Variants in SHCBP1 observed in about 807,000 individuals in gnomAD.
SHCBP1 encodes the protein SHC SH2 domain-binding protein 1.
SHCBP1 carries 60 observed loss-of-function variants against 75.1 expected under a neutral mutation model. That is an observed-to-expected ratio of 0.80 (90% CI 0.65 to 0.99). SHCBP1 has a LOEUF of 0.99. SHCBP1 is among the 50% of genes least tolerant of loss of function. The pLI, the probability that SHCBP1 is intolerant of heterozygous loss-of-function variation, is 0.00. For missense variants in SHCBP1, 709 were observed against 809.4 expected, an observed-to-expected ratio of 0.88 and a Z score of 1.50; for synonymous variants, 290 against 293.2, an observed-to-expected ratio of 0.99 and a Z score of 0.11.
At chr16:46,614,788 G>A (rs1017783033) in intron 4 of SHCBP1, among the ~76,000 whole-genome samples, 4 of 152,008 alleles carry the variant, frequency 2.6e-5, no homozygotes, top group African/African-American at 4.8e-5. Flanking sequence ...GAAATATACC[G>A]ACCATAAGCC....
chr16:46,589,256 T>A (rs1965000916), intron 10 of SHCBP1, among the ~76,000 whole-genome samples: 1 of 152,172 alleles, frequency 6.6e-6, no homozygotes, highest in South Asian at 2.1e-4. Flanking sequence ...CTTTGAAAAC[T>A]GTCACACAAG....
chr16:46,605,993 A>T (rs777060406), intron 5 of SHCBP1, among the ~76,000 whole-genome samples: 2 of 152,022 alleles, frequency 1.3e-5, no homozygotes, highest in East Asian at 1.9e-4. Context: ...AAAAAAATTT[A>T]AAAATTTTAA....
intron 8 of SHCBP1, 41 bp from the exon 9 acceptor site, chr16:46,600,003 A>G: frequency 1.9e-6 from 3 of 1,606,462 alleles, no homozygotes; most frequent in Non-Finnish European, 2.5e-6. Context: ...TGGGTGAGGA[A>G]AAACATCTAA....
intron 6 of SHCBP1, 32 bp from the exon 7 acceptor site, chr16:46,604,175 A>G: frequency 6.2e-7 from 1 of 1,613,066 alleles, no homozygotes; most frequent in Non-Finnish European, 8.5e-7. Flanking sequence ...TATCAGTAAG[A>G]CAGCAAGTAA....
At chr16:46,599,708 T>G in intron 9 of SHCBP1, 123 bp downstream of exon 9, 1 of 152,746 alleles carries the variant, frequency 6.5e-6, no homozygotes, top group Non-Finnish European at 1.2e-5. Context: ...CATCGTGAAG[T>G]GCAATAAAAC....
intron 1 of SHCBP1, 126 bp downstream of exon 1, chr16:46,621,131 A>C (rs995269680): frequency 2.5e-6 from 2 of 812,214 alleles, no homozygotes; most frequent in Non-Finnish European, 3.6e-6. Context: ...CCGGCCGCGC[A>C]CCGCCGTTCC....
intron 10 of SHCBP1, among the ~76,000 whole-genome samples, chr16:46,593,963 G>A (rs1596674783): frequency 6.6e-6 from 1 of 152,116 alleles, no homozygotes; most frequent in East Asian, 1.9e-4. Flanking sequence ...AAAAAACAAA[G>A]TAGGAGAAAT....
rs1260534560 is a variant in SHCBP1, at chr16:46,608,337, A to G, written c.649T>C (p.Tyr217His). 1.2e-6 allele frequency: 2 copies of G among 1,613,758 alleles called. No individual in the cohort carries two copies. Among genetic ancestry groups the G allele is most frequent in the African/African-American group, 2.7e-5 (2 of 74,922 alleles). The change falls in exon 5 of 13, where the codon TAC (tyrosine) becomes CAC (histidine). Residue 217 changes from tyrosine to histidine, a missense_variant. Coordinates refer to ENST00000303383, the MANE Select transcript of SHCBP1 (RefSeq NM_024745.5). ...TCAACACATCTGACAAAATAATCGTATTCATCCTCCTCTTCTTCATCCCAA... is the reference window on the plus strand; with the variant it reads ...TCAACACATCTGACAAAATAATCGTGTTCATCCTCCTCTTCTTCATCCCAA... ...RSWDEEEEDE[Y>H]DYFVRCVEPR...
intron 1 of SHCBP1, among the ~76,000 whole-genome samples, chr16:46,618,757 T>C (rs1419279995): frequency 6.6e-6 from 1 of 152,206 alleles, no homozygotes; most frequent in Non-Finnish European, 1.5e-5. Context: ...CCCTCCTGTC[T>C]CAGCCTCCTG....
chr16:46,620,381 C>T (rs1965567321), intron 1 of SHCBP1: 1 of 152,232 alleles, frequency 6.6e-6, no homozygotes, highest in South Asian at 2.1e-4. Context: ...TCCCCATTCC[C>T]CCAACCCACT....
chr16:46,600,609 C>T (rs1230086860), intron 8 of SHCBP1, among the ~76,000 whole-genome samples: 2 of 152,218 alleles, frequency 1.3e-5, no homozygotes, highest in South Asian at 2.1e-4. Flanking sequence ...CTAAACAGTT[C>T]TCAAGATGAT....
At chr16:46,614,505 T>C (rs1596689576) in intron 4 of SHCBP1, among the ~76,000 whole-genome samples, 1 of 152,118 alleles carries the variant, frequency 6.6e-6, no homozygotes, top group African/African-American at 2.4e-5. Flanking sequence ...ATCTGAAAAA[T>C]TGTTGAAATC....
Position 46,582,036 on chromosome 16 carries a change from A to T in SHCBP1, c.1712T>A (p.Ile571Asn). The change falls in exon 13 of 13, where the codon ATT becomes AAT. Residue 571 changes from isoleucine to asparagine, a missense_variant. Transcript: ENST00000303383. ...CACATCTGGCTCTCCACTTGTCTGA[A>T]TTTTAAGCGCTTTATTTTCTGGAGA... ...DGTEENKALKIQTSGEPDVAE... is the reference protein window; with the variant it reads ...DGTEENKALKNQTSGEPDVAE... 6.2e-7 allele frequency: 1 copy of T among 1,602,502 alleles called. No homozygotes were observed. The highest frequency in any genetic ancestry group is 8.5e-7 in the Non-Finnish European group (1 of 1,175,274).
chr16:46,592,093 A>T (rs932363730), intron 10 of SHCBP1, among the ~76,000 whole-genome samples: 3 of 152,066 alleles, frequency 2.0e-5, no homozygotes, highest in African/African-American at 7.2e-5. Context: ...ATGAAATCAT[A>T]AAAAGAACAT....
Position 46,616,213 on chromosome 16 carries a change from A to G in SHCBP1, c.388-59T>C, listed in dbSNP as rs1965497713. On this transcript the variant is annotated intron_variant, in intron 3 of 12. Transcript: ENST00000303383. This position sits in a 1 kb window ranked among gnomAD's most constrained non-coding sequence, Gnocchi z 4.4. ...AAATCAAAATGAAGATACACCTATA[A>G]GACACTACTGACAACCTGATTTTTT... The G allele has an allele frequency of 6.5e-7, 1 of 1,533,170 alleles. No homozygotes were observed. Among genetic ancestry groups the G allele is most frequent in the South Asian group, 1.2e-5 (1 of 86,344 alleles). The allele number at this position is 1,533,170 out of a possible 1,614,324, so 95.0% of individuals were successfully genotyped here. A position where few individuals can be genotyped will look rare whatever the true frequency, so the allele number is the denominator to read the frequency against.
chr16:46,590,702 C>A (rs185211879), intron 10 of SHCBP1, among the ~76,000 whole-genome samples: 40 of 152,304 alleles, frequency 2.6e-4, no homozygotes, highest in African/African-American at 8.7e-4. Context: ...AATAGGAACA[C>A]TTTTACACTG....
intron 4 of SHCBP1, among the ~76,000 whole-genome samples, chr16:46,610,544 A>ATTTTTTTTTTATTTTTTTTTTTTTT (rs1965397529): frequency 3.2e-5 from 1 of 31,088 alleles, no homozygotes; most frequent in Non-Finnish European, 5.7e-5. Flanking sequence ...CATGGGGTCA[A>ATTTTTTTTTTATTTTTTTTTTTTTT]TTTTTTTTTT....
chr16:46,615,961 G>T lies in SHCBP1; in HGVS notation c.581C>A (p.Ala194Glu). ...CTTTTCCTACCTGACATGCTCAATT[G>T]CAAGGGCTGTCTGGTCAAACACTCC... ...DSGVFDQTAL[A>E]IEHVRFFYQN... Residue 194 changes from alanine to glutamate, a missense_variant, in exon 4 of 13, where the codon GCA (alanine) becomes GAA (glutamate). Physicochemically the swap from Ala to Glu is moderately radical, Grantham distance 107 (BLOSUM62 -1). Coordinates refer to ENST00000303383, the MANE Select transcript of SHCBP1 (RefSeq NM_024745.5). 2.5e-6 allele frequency: 4 copies of T among 1,614,054 alleles called. No individual in the cohort carries two copies. Among genetic ancestry groups the T allele is most frequent in the Non-Finnish European group, 3.4e-6 (4 of 1,180,014 alleles).
chr16:46,599,907 A>G lies in SHCBP1; in HGVS notation c.1269T>C (p.Phe423=), dbSNP rs1230109797. 1.2e-6 allele frequency: 2 copies of G among 1,613,708 alleles called. No homozygotes were observed. The highest frequency in any genetic ancestry group is 1.7e-6 in the Non-Finnish European group (2 of 1,179,892). Residue 423 remains phenylalanine (F), a synonymous_variant, in exon 9 of 13, where the codon TTT becomes TTC. Transcript: ENST00000303383. The part of the protein sequence containing the change: ...VIEKRGKGDT[F]VDCTGADIKI... ...TAATATCAGCACCAGTGCAGTCCAC[A>G]AAAGTGTCGCCTTTGCCCCTCTTTT... is the stretch of plus-strand genomic sequence containing the variant.
Sources: gnomAD v4.1 joint callset for allele counts (sites outside exome capture counted in the v4.1 genomes callset) on GRCh38, gnomAD v4.1.1 for gene constraint, Gnocchi (gnomAD v3.1) non-coding constraint, MANE v1.5 for transcripts, NCBI Gene and HGNC (gene_info 2026-07-23, HGNC 2026-07-21) for gene names.